The following SLC8A1 variants were observed in gnomAD, a reference collection of about 807,000 sequenced individuals.
The protein encoded by SLC8A1 is sodium/calcium exchanger 1.
SLC8A1 carries 18 observed loss-of-function variants against 68.3 expected under a neutral mutation model. The ratio of observed to expected loss-of-function variants is 0.26; its 90% CI spans 0.18 to 0.39. SLC8A1 has a LOEUF of 0.39. Among genes scored for constraint, SLC8A1 ranks in the 10% least tolerant of loss-of-function variants. SLC8A1 has a pLI of 1.00. For missense variants in SLC8A1, 985 were observed against 1,156.7 expected, an observed-to-expected ratio of 0.85 and a Z score of 2.15; for synonymous variants, 475 against 415.5, an observed-to-expected ratio of 1.14 and a Z score of -1.74.
At chr2:40,351,762 A>G (rs1423480793) in intron 2 of SLC8A1, among the ~76,000 whole-genome samples, 1 of 152,160 alleles carries the variant, frequency 6.6e-6, no homozygotes, top group East Asian at 1.9e-4. Context: ...TCTATGTATT[A>G]CAGACAATAG....
chr2:40,477,535 G>C (rs1272104210), intron 1 of SLC8A1, among the ~76,000 whole-genome samples: 1 of 152,146 alleles, frequency 6.6e-6, no homozygotes, highest in Admixed American at 6.5e-5. Flanking sequence ...AAATGCCAAA[G>C]ACTCTTGATG....
At chr2:40,321,636 C>T (rs964760746) in intron 2 of SLC8A1, among the ~76,000 whole-genome samples, 14 of 152,038 alleles carry the variant, frequency 9.2e-5, no homozygotes, top group African/African-American at 2.9e-4. Flanking sequence ...CACATGGTGG[C>T]ATAAAGGAGA....
At chr2:40,268,527 C>T (rs750017157) in intron 2 of SLC8A1, among the ~76,000 whole-genome samples, 29 of 152,112 alleles carry the variant, frequency 1.9e-4, no homozygotes, top group Non-Finnish European at 3.8e-4. Context: ...TTGGTACCCC[C>T]CATTAATGTT....
At chr2:40,228,242 C>T (rs2059231510) in intron 2 of SLC8A1, among the ~76,000 whole-genome samples, 1 of 152,156 alleles carries the variant, frequency 6.6e-6, no homozygotes, top group Non-Finnish European at 1.5e-5. Flanking sequence ...ATATTTTTCC[C>T]TGCCTGCAGC....
intron 1 of SLC8A1, among the ~76,000 whole-genome samples, chr2:40,464,652 A>G (rs957889148): frequency 2.6e-5 from 4 of 152,084 alleles, no homozygotes; most frequent in Non-Finnish European, 4.4e-5. Context: ...TTGTCACTGG[A>G]GAGGTATTTA....
At chr2:40,321,837 G>T (rs552951520) in intron 2 of SLC8A1, among the ~76,000 whole-genome samples, 2 of 152,176 alleles carry the variant, frequency 1.3e-5, no homozygotes, top group African/African-American at 4.8e-5. Flanking sequence ...CAACCAAGCC[G>T]TATCACCATC....
At chr2:40,214,134 C>G (rs1483204874) in intron 2 of SLC8A1, among the ~76,000 whole-genome samples, 1 of 152,198 alleles carries the variant, frequency 6.6e-6, no homozygotes, top group Non-Finnish European at 1.5e-5. Flanking sequence ...CATACATTTT[C>G]CATGTATGAA....
chr2:40,254,630 G>C (rs551675170), intron 2 of SLC8A1: 1 of 152,146 alleles, frequency 6.6e-6, no homozygotes, highest in African/African-American at 2.4e-5. Context: ...AGAAAATTGT[G>C]AGTTTTAACC....
At chr2:40,133,678 G>A (rs1239791577) in intron 7 of SLC8A1, among the ~76,000 whole-genome samples, 2 of 145,980 alleles carry the variant, frequency 1.4e-5, no homozygotes, top group Admixed American at 6.8e-5. Context: ...GAAAGATGAA[G>A]GCAAGACTTA....
chr2:40,401,323 C>A (rs1257091443), intron 2 of SLC8A1, among the ~76,000 whole-genome samples: 1 of 152,136 alleles, frequency 6.6e-6, no homozygotes. Context: ...TTTGTTCATA[C>A]TATTTCTTCC....
chr2:40,434,008 G>A (rs1698910464), intron 1 of SLC8A1, among the ~76,000 whole-genome samples: 1 of 152,114 alleles, frequency 6.6e-6, no homozygotes. Flanking sequence ...CTTCAATCTG[G>A]TCTTTTAGCA....
intron 1 of SLC8A1, among the ~76,000 whole-genome samples, chr2:40,499,901 C>A (rs967721088): frequency 6.6e-5 from 10 of 151,922 alleles, no homozygotes; most frequent in African/African-American, 1.9e-4. Flanking sequence ...AAAATATTCT[C>A]GGGTATAAAC....
At chr2:40,254,214 G>T (rs950601380) in intron 2 of SLC8A1, among the ~76,000 whole-genome samples, 2 of 152,074 alleles carry the variant, frequency 1.3e-5, no homozygotes, top group Non-Finnish European at 2.9e-5. Context: ...AATTCCAACT[G>T]CTAAGTCATT....
At chr2:40,315,733 A>G (rs1163407937) in intron 2 of SLC8A1, among the ~76,000 whole-genome samples, 2 of 152,034 alleles carry the variant, frequency 1.3e-5, no homozygotes, top group African/African-American at 2.4e-5. Flanking sequence ...CTAAAGTGCA[A>G]TCATCTTGGA....
chr2:40,177,789 C>T (rs2048740969), exon 3 of SLC8A1: 1 of 1,551,056 alleles, frequency 6.4e-7, no homozygotes. Context: ...GTTCCTCAAG[C>T]ACAAGGGAGA....
intron 6 of SLC8A1, among the ~76,000 whole-genome samples, chr2:40,151,425 C>T (rs781721054): frequency 9.2e-5 from 14 of 152,220 alleles, no homozygotes; most frequent in Admixed American, 1.3e-4. Context: ...CATTGCCAAG[C>T]GCTGTCTTAG....
At chr2:40,175,513 TG>T in intron 3 of SLC8A1, among the ~76,000 whole-genome samples, 1 of 151,998 alleles carries the variant, frequency 6.6e-6, no homozygotes, top group African/African-American at 2.4e-5. Flanking sequence ...TATATGTGTG[TG>T]TGTGTGTGTA....
intron 1 of SLC8A1, among the ~76,000 whole-genome samples, chr2:40,464,331 A>C (rs528655092): frequency 6.6e-6 from 1 of 152,328 alleles, no homozygotes; most frequent in East Asian, 1.9e-4. Context: ...GAGACAACGC[A>C]TTTCATAACT....
At chr2:40,463,839 TACACACAC>T (rs761954909) in intron 1 of SLC8A1, among the ~76,000 whole-genome samples, 2,703 of 123,346 alleles carry the variant, frequency 0.022, 31 homozygotes, top group African/African-American at 0.025. Context: ...CACACACACA[TACACACAC>T]ACACACACAC....
Sources: gnomAD v4.1 joint callset for allele counts (sites outside exome capture counted in the v4.1 genomes callset) on GRCh38, gnomAD v4.1.1 for gene constraint, MANE v1.5 for transcripts, NCBI Gene and HGNC (gene_info 2026-07-23, HGNC 2026-07-21) for gene names.